MAST2: variants seen among roughly 807,000 people sequenced by gnomAD.
MAST2 encodes the protein microtubule associated serine/threonine kinase 2.
MAST2 carries 70 observed loss-of-function variants against 147.4 expected under a neutral mutation model. The ratio of observed to expected loss-of-function variants is 0.47; its 90% CI spans 0.39 to 0.58. The LOEUF (loss-of-function observed/expected upper bound fraction) is 0.58. Ranked by LOEUF, MAST2 falls within the 20% of genes least tolerant of loss-of-function variation. The pLI is 0.00. For missense variants in MAST2, 2,080 were observed against 2,302.3 expected (o/e 0.90, Z 1.98); for synonymous variants, 869 against 896.8 (o/e 0.97, Z 0.55).
intron 3 of MAST2, among the ~76,000 whole-genome samples, chr1:45,843,687 AGAACT>A (rs1390456211): frequency 2.0e-5 from 3 of 152,240 alleles, no homozygotes; most frequent in Non-Finnish European, 4.4e-5. Flanking sequence ...AACTTAGATA[AGAACT>A]GTAGGAGTTT....
At chr1:45,865,758 T>A (rs1570434097) in intron 3 of MAST2, among the ~76,000 whole-genome samples, 2 of 152,220 alleles carry the variant, frequency 1.3e-5, no homozygotes, top group East Asian at 3.8e-4. Context: ...CAACTGAGTT[T>A]TAATGAATAT....
At chr1:45,938,246 C>G (rs1656593182) in intron 4 of MAST2, among the ~76,000 whole-genome samples, 1 of 152,140 alleles carries the variant, frequency 6.6e-6, no homozygotes, top group Non-Finnish European at 1.5e-5. Context: ...TGTACATTTC[C>G]ATGCATATCT....
chr1:46,012,631 C>T (rs1361300924), intron 10 of MAST2, among the ~76,000 whole-genome samples: 1 of 152,120 alleles, frequency 6.6e-6, no homozygotes, highest in African/African-American at 2.4e-5. Context: ...GATATGCTGA[C>T]TCTTTGTGGA....
intron 4 of MAST2, among the ~76,000 whole-genome samples, chr1:45,924,072 A>G (rs1316889356): frequency 6.6e-6 from 1 of 152,004 alleles, no homozygotes; most frequent in African/African-American, 2.4e-5. Flanking sequence ...GGGTTTCATC[A>G]TGTTGGCAAG....
intron 4 of MAST2, among the ~76,000 whole-genome samples, chr1:45,909,881 C>T (rs987784029): frequency 6.6e-6 from 1 of 151,910 alleles, no homozygotes; most frequent in Non-Finnish European, 1.5e-5. Context: ...GGTGCCGTCT[C>T]GGCTCCCTGC....
At chr1:45,980,104 G>A (rs1178721695) in intron 5 of MAST2, among the ~76,000 whole-genome samples, 1 of 151,972 alleles carries the variant, frequency 6.6e-6, no homozygotes, top group Non-Finnish European at 1.5e-5. Flanking sequence ...CGCCAACCTG[G>A]AGAAAACTCA....
At chr1:45,866,522 A>G (rs921694416) in intron 3 of MAST2, among the ~76,000 whole-genome samples, 4 of 152,102 alleles carry the variant, frequency 2.6e-5, no homozygotes, top group Non-Finnish European at 4.4e-5. Context: ...AGGGAATCCT[A>G]TTTGTTGAAT....
chr1:45,974,911 A>G (rs964668687), intron 5 of MAST2, among the ~76,000 whole-genome samples: 2 of 152,232 alleles, frequency 1.3e-5, no homozygotes, highest in African/African-American at 2.4e-5. Context: ...TAAAATCCTT[A>G]AAGAGTGAAG....
intron 5 of MAST2, among the ~76,000 whole-genome samples, chr1:45,982,928 G>A (rs1257699612): frequency 6.6e-6 from 1 of 152,202 alleles, no homozygotes; most frequent in Non-Finnish European, 1.5e-5. Flanking sequence ...TGTCAGAATA[G>A]CATCTTCTGA....
intron 4 of MAST2, among the ~76,000 whole-genome samples, chr1:45,947,977 A>C (rs977669382): frequency 6.6e-6 from 1 of 152,172 alleles, no homozygotes; most frequent in African/African-American, 2.4e-5. Flanking sequence ...TGGCTTCCCA[A>C]AGTGCTGGGA....
intron 3 of MAST2, among the ~76,000 whole-genome samples, chr1:45,834,121 A>G (rs913610041): frequency 9.9e-5 from 15 of 152,196 alleles, no homozygotes; most frequent in East Asian, 3.8e-4. Flanking sequence ...ACGGCCGTCT[A>G]TAGTACATGG....
chr1:45,872,263 C>T (rs1432191850), intron 3 of MAST2, among the ~76,000 whole-genome samples: 1 of 152,180 alleles, frequency 6.6e-6, no homozygotes, highest in East Asian at 1.9e-4. Flanking sequence ...CAGCTTTGAC[C>T]CATAGTCATC....
chr1:45,995,705 C>A (rs776548139), intron 5 of MAST2, among the ~76,000 whole-genome samples: 1 of 152,228 alleles, frequency 6.6e-6, no homozygotes, highest in African/African-American at 2.4e-5. Flanking sequence ...GCGTGAGCCA[C>A]TGTACCCGGC....
At chr1:45,908,431 G>T (rs1306841837) in intron 4 of MAST2, among the ~76,000 whole-genome samples, 1 of 152,094 alleles carries the variant, frequency 6.6e-6, no homozygotes, top group East Asian at 1.9e-4. Flanking sequence ...AGCTATATAT[G>T]TGCCTCTAAG....
chr1:45,931,690 C>T (rs918192668), intron 4 of MAST2, among the ~76,000 whole-genome samples: 1 of 151,968 alleles, frequency 6.6e-6, no homozygotes, highest in African/African-American at 2.4e-5. Context: ...GACAGGACTT[C>T]ACCATATTGG....
intron 4 of MAST2, among the ~76,000 whole-genome samples, chr1:45,933,901 T>G (rs1288926589): frequency 7.6e-6 from 1 of 131,626 alleles, no homozygotes; most frequent in Non-Finnish European, 1.6e-5. Context: ...ATGAAAAATT[T>G]TAAGTTTTTT....
rs746359991 is a variant in MAST2 at position 46,034,889 on chromosome 1, C to T, written c.4220C>T (p.Ser1407Leu). The change falls in exon 29 of 29, where the codon TCG becomes TTG. Residue 1407 changes from serine (S) to leucine (L), a missense_variant. Physicochemically the swap from Ser to Leu is moderately radical, Grantham distance 145. Coordinates refer to ENST00000361297, the MANE Select transcript of MAST2 (RefSeq NM_015112.3). ...PRSPLLKRVQ[S>L]AEKLAAALAA... ...TCACCACTACTCAAGAGGGTGCAGT[C>T]GGCTGAGAAACTGGCAGCAGCACTT... 5 of 1,614,086 alleles carry T rather than the reference C, an allele frequency of 3.1e-6. No individual in the cohort carries two copies. The highest frequency in any genetic ancestry group is 2.2e-5 in the East Asian group (1 of 44,896).
intron 10 of MAST2, among the ~76,000 whole-genome samples, chr1:46,012,210 T>C (rs772295847): frequency 2.6e-5 from 4 of 152,254 alleles, no homozygotes; most frequent in Non-Finnish European, 5.9e-5. Context: ...CAGGGATTAC[T>C]GCATCAGGTA....
At chr1:45,948,192 T>A (rs1658368561) in intron 4 of MAST2, among the ~76,000 whole-genome samples, 1 of 152,152 alleles carries the variant, frequency 6.6e-6, no homozygotes, top group African/African-American at 2.4e-5. Context: ...GGAATACAGC[T>A]AACCAGAGAC....
Sources: gnomAD v4.1 joint callset for allele counts (sites outside exome capture counted in the v4.1 genomes callset) on GRCh38, gnomAD v4.1.1 for gene constraint, MANE v1.5 for transcripts, NCBI Gene and HGNC (gene_info 2026-07-23, HGNC 2026-07-21) for gene names.